DLC1: variants seen among roughly 807,000 people sequenced by gnomAD.
DLC1 encodes the protein DLC1 Rho GTPase activating protein.
DLC1 carries 54 observed loss-of-function variants against 140.3 expected under a neutral mutation model. The ratio of observed to expected loss-of-function variants is 0.38; its 90% CI spans 0.31 to 0.48. The LOEUF (loss-of-function observed/expected upper bound fraction) is 0.48. Among genes scored for constraint, DLC1 ranks in the 20% least tolerant of loss-of-function variants. The pLI, the probability that DLC1 is intolerant of heterozygous loss-of-function variation, is 0.96. For synonymous variants in DLC1, 986 were observed against 728.1 expected (o/e 1.35, Z -5.70); for missense variants, 2,536 against 1,907.0 (o/e 1.33, Z -6.14).
At chr8:13,146,667 G>C (rs768269255) in intron 5 of DLC1, among the ~76,000 whole-genome samples, 3 of 152,028 alleles carry the variant, frequency 2.0e-5, no homozygotes, top group African/African-American at 4.8e-5. Flanking sequence ...TCAGTTCTGT[G>C]TTTTTAAAAA....
chr8:13,501,556 C>G (rs897307497), intron 1 of DLC1, among the ~76,000 whole-genome samples: 2 of 152,124 alleles, frequency 1.3e-5, no homozygotes, highest in Admixed American at 6.5e-5. Flanking sequence ...TTAGTCTATT[C>G]TATTGTAAAG....
intron 1 of DLC1, among the ~76,000 whole-genome samples, chr8:13,545,178 A>G (rs1803612074): frequency 6.6e-6 from 1 of 152,104 alleles, no homozygotes. Flanking sequence ...TCACAAAAGA[A>G]CTAACATTGC....
chr8:13,154,830 G>C (rs755284223), intron 5 of DLC1, among the ~76,000 whole-genome samples: 1 of 152,108 alleles, frequency 6.6e-6, no homozygotes. Flanking sequence ...ATAGAAAAAC[G>C]ACTCAATTTT....
intron 2 of DLC1, among the ~76,000 whole-genome samples, chr8:13,428,175 A>G (rs1428603559): frequency 1.3e-5 from 2 of 152,202 alleles, no homozygotes; most frequent in Non-Finnish European, 2.9e-5. Context: ...AAAAGAGAAC[A>G]GAGGAATGGG....
rs78775803 is a variant in DLC1 at position 13,468,811 on chromosome 8, CTTTTTTTTTTTTTTTT to C, written c.1023+30222_1023+30237del. Among the ~76,000 whole-genome samples, 388 of 89,992 alleles carry C rather than the reference CTTTTTTTTTTTTTTTT, an allele frequency of 4.3e-3. 6 individuals carry two copies. Among genetic ancestry groups the C allele is most frequent in the Non-Finnish European group, 4.1e-3 (210 of 50,690 alleles). 59.0% of individuals were successfully genotyped at this position (89,992 alleles called of 152,430 possible). ...GTTGATTCTCCCAATTTTATGTCTG[CTTTTTTTTTTTTTTTT>C]TTTTTTTTTTTTAAGATGGAGTCTC... On this transcript the variant is annotated intron_variant, in intron 2 of 17. Coordinates refer to ENST00000276297, the MANE Select transcript of DLC1 (RefSeq NM_182643.3).
rs1340894780 is a variant in DLC1 at position 13,567,405 on chromosome 8, T to TCTACG, written c.-126+37131_-126+37132insCGTAG. 3.2e-6 allele frequency: 5 copies of TCTACG among 1,551,592 alleles called. No individual in the cohort carries two copies. The African/African-American group carries it at 6.8e-5, about 21-fold the overall frequency. The stretch of plus-strand genomic sequence containing the variant: ...TAAATTTGATTCATCGTAGAGGGGA[T>TCTACG]TCTAAGAAGAAGACGAGCAGCAGAC... On this transcript the variant is annotated intron_variant, in intron 1 of 1. Transcript: ENST00000631382.
In DLC1 at chr8:13,373,725, A is replaced by G. The variant is rs190800065; in HGVS notation, c.1314+19828T>C. 3.4e-3 allele frequency among the ~76,000 whole-genome samples: 515 copies of G among 152,320 alleles called. 2 individuals are homozygous for G. The highest frequency in any genetic ancestry group is 0.012 in the African/African-American group (506 of 41,570). ...GGAGAGGGCTCCCTGTGCCTTGAAT[A>G]TTCTGCTAAGAGATTTACTTCCATA... On this transcript the variant is annotated intron_variant, in intron 4 of 17. Transcript: ENST00000276297.
upstream of DLC1, chr8:13,515,738 T>C (rs1281022203): frequency 1.3e-5 from 2 of 152,194 alleles, no homozygotes; most frequent in African/African-American, 4.8e-5. Flanking sequence ...GGACTACCAT[T>C]TGGTTTTGAT....
chr8:13,434,022 A>ATGTTG (rs1554519347), intron 2 of DLC1, among the ~76,000 whole-genome samples: 7 of 152,050 alleles, frequency 4.6e-5, no homozygotes, highest in African/African-American at 1.7e-4. Flanking sequence ...TGCCCGGCTA[A>ATGTTG]TTTTGTTTTG....
intron 5 of DLC1, among the ~76,000 whole-genome samples, chr8:13,226,963 G>T (rs1199147753): frequency 6.6e-6 from 1 of 152,022 alleles, no homozygotes; most frequent in Admixed American, 6.6e-5. Flanking sequence ...CTGTGAGGAG[G>T]TTAATCCCCA....
chr8:13,409,478 T>A (rs1837696629), intron 2 of DLC1, among the ~76,000 whole-genome samples: 1 of 152,132 alleles, frequency 6.6e-6, no homozygotes, highest in South Asian at 2.1e-4. Context: ...AGATAAAAAA[T>A]AATAAGTTTT....
intron 5 of DLC1, among the ~76,000 whole-genome samples, chr8:13,201,345 C>T (rs754821754): frequency 6.6e-6 from 1 of 151,940 alleles, no homozygotes; most frequent in South Asian, 2.1e-4. Flanking sequence ...TTAAAATATT[C>T]ATTACAGTTC....
chr8:13,122,220 A>G (rs1435433322), intron 5 of DLC1, among the ~76,000 whole-genome samples: 2 of 151,734 alleles, frequency 1.3e-5, no homozygotes, highest in Non-Finnish European at 2.9e-5. Context: ...TACAATCCAA[A>G]CTCCTCAGCA....
intron 5 of DLC1, among the ~76,000 whole-genome samples, chr8:13,159,577 A>G (rs140246874): frequency 1.4e-3 from 217 of 152,176 alleles, no homozygotes; most frequent in African/African-American, 4.6e-3. Context: ...TATCACCTCA[A>G]TTATAAACCC....
chr8:13,378,357 G>A (rs989444691), intron 4 of DLC1, among the ~76,000 whole-genome samples: 1 of 151,782 alleles, frequency 6.6e-6, no homozygotes, highest in African/African-American at 2.4e-5. Flanking sequence ...AGTTAGTGAT[G>A]TATTAATTCT....
chr8:13,558,300 A>G (rs1191924967), intron 1 of DLC1: 1 of 152,170 alleles, frequency 6.6e-6, no homozygotes, highest in East Asian at 1.9e-4. Context: ...TACTGATACC[A>G]AGGGCTTGGA....
At chr8:13,362,378 A>G (rs1433673159) in intron 4 of DLC1, among the ~76,000 whole-genome samples, 1 of 152,160 alleles carries the variant, frequency 6.6e-6, no homozygotes, top group Non-Finnish European at 1.5e-5. Context: ...AAAGCGTGAA[A>G]TTAGGACATT....
chr8:13,468,811 C>CTTTTTTTTTTTTT (rs78775803), intron 2 of DLC1, among the ~76,000 whole-genome samples: 6 of 89,958 alleles, frequency 6.7e-5, no homozygotes, highest in East Asian at 4.1e-4. Context: ...TTTATGTCTG[C>CTTTTTTTTTTTTT]TTTTTTTTTT....
chr8:13,106,557 C>T (rs1200322810), intron 7 of DLC1, among the ~76,000 whole-genome samples: 1 of 152,126 alleles, frequency 6.6e-6, no homozygotes, highest in African/African-American at 2.4e-5. Flanking sequence ...CCATGTTTCC[C>T]AGGATGGTCT....
Sources: gnomAD v4.1 joint callset for allele counts (sites outside exome capture counted in the v4.1 genomes callset) on GRCh38, gnomAD v4.1.1 for gene constraint, MANE v1.5 for transcripts, NCBI Gene and HGNC (gene_info 2026-07-23, HGNC 2026-07-21) for gene names.